BASP1: variants seen among roughly 807,000 people sequenced by gnomAD.
BASP1 encodes the protein brain abundant membrane attached signal protein 1.
In BASP1, 1 loss-of-function variant was observed where a neutral mutation model predicts 2.2. That is an observed-to-expected ratio of 0.46 (90% CI 0.16 to 2.17). The LOEUF is 2.17. BASP1 is among the 30% of genes most tolerant of loss of function. The pLI is 0.27. For synonymous variants in BASP1, 187 were observed against 154.2 expected, an observed-to-expected ratio of 1.21 and a Z score of -1.58; for missense variants, 352 against 327.2, an observed-to-expected ratio of 1.08 and a Z score of -0.58.
intron 1 of BASP1, among the ~76,000 whole-genome samples, chr5:17,222,686 T>C (rs940966533): frequency 6.6e-6 from 1 of 152,230 alleles, no homozygotes; most frequent in Admixed American, 6.5e-5. Flanking sequence ...TGTGTTTTTC[T>C]TCTGCACCCT....
chr5:17,245,615 A>G (rs1263614609), intron 1 of BASP1, among the ~76,000 whole-genome samples: 1 of 152,154 alleles, frequency 6.6e-6, no homozygotes, highest in Non-Finnish European at 1.5e-5. Flanking sequence ...TAGGCCTTTA[A>G]AAATTAGTAG....
At chr5:17,268,755 C>T (rs1740476794) in intron 1 of BASP1, among the ~76,000 whole-genome samples, 1 of 152,194 alleles carries the variant, frequency 6.6e-6, no homozygotes, top group African/African-American at 2.4e-5. Flanking sequence ...TTCATTATAA[C>T]ATCAGATTTC....
chr5:17,275,874 G>T lies in BASP1; in HGVS notation c.658G>T (p.Asp220Tyr). The T allele has an allele frequency of 1.3e-6, 2 of 1,596,316 alleles. No individual in the cohort carries two copies. Among genetic ancestry groups the T allele is most frequent in the South Asian group, 2.2e-5 (2 of 89,116 alleles). Residue 220 changes from aspartate (D) to tyrosine (Y), a missense_variant, in exon 2 of 2, where the codon GAC becomes TAC. Physicochemically the swap from Asp to Tyr is radical, Grantham distance 160. Coordinates refer to ENST00000322611, the MANE Select transcript of BASP1 (RefSeq NM_006317.5). The surrounding 1 kb of genome is among the most constrained non-coding windows in gnomAD (Gnocchi z 5.3). ...KPVEAPAANSDQTVTVKE is the reference protein window; with the variant it reads ...KPVEAPAANSYQTVTVKE The stretch of plus-strand genomic sequence containing the variant: ...GGTGGAGGCCCCGGCAGCTAATTCC[G>T]ACCAAACCGTAACCGTGAAAGAGTG...
intron 1 of BASP1, among the ~76,000 whole-genome samples, chr5:17,224,512 A>T (rs770908223): frequency 2.6e-5 from 4 of 152,150 alleles, no homozygotes; most frequent in Non-Finnish European, 5.9e-5. Context: ...TCACATATTG[A>T]CATCTTCAGT....
chr5:17,273,799 G>A (rs114485139), intron 1 of BASP1, among the ~76,000 whole-genome samples: 2,076 of 152,236 alleles, frequency 0.014, 52 homozygotes, highest in African/African-American at 0.047. Context: ...CTCCCTTGGG[G>A]TCCAGGGCAA....
chr5:17,236,880 G>A lies in BASP1; in HGVS notation c.-10+19070G>A, dbSNP rs142655750. On this transcript the variant is annotated intron_variant, in intron 1 of 1. Transcript: ENST00000322611. The surrounding 1 kb of genome is among the most constrained non-coding windows in gnomAD (Gnocchi z 4.0). ...AGAAAAAAATTCTTAATAGGCAGTC[G>A]ATGTAAATAAAACAAAATTCTGTAT... 3.5e-3 allele frequency among the ~76,000 whole-genome samples: 539 copies of A among 152,228 alleles called. 3 individuals carry two copies. The highest frequency in any genetic ancestry group is 0.012 in the African/African-American group (490 of 41,530).
chr5:17,228,349 A>C (rs1025099700), intron 1 of BASP1, among the ~76,000 whole-genome samples: 1 of 152,220 alleles, frequency 6.6e-6, no homozygotes, highest in African/African-American at 2.4e-5. Flanking sequence ...ATCCAATGGA[A>C]TGGTAACATG....
intron 1 of BASP1, among the ~76,000 whole-genome samples, chr5:17,257,886 CCA>C (rs1740245765): frequency 3.9e-5 from 6 of 152,178 alleles, no homozygotes; most frequent in African/African-American, 1.4e-4. Flanking sequence ...GCTTACAGAG[CCA>C]AACAGCACCG....
At position 17,242,391 on chromosome 5, in the gene BASP1, A is replaced by G. The variant is rs993622611; in HGVS notation, c.-10+24581A>G. ...AGTGGAAGGTACGGAGGTTTCCCAT[A>G]TAAGTCTTGCGCCGCCCCCCACCCC... On this transcript the variant is annotated intron_variant, in intron 1 of 1. Transcript: ENST00000322611. Among the ~76,000 whole-genome samples the G allele has an allele frequency of 3.3e-5, 5 of 152,228 alleles. No homozygotes were observed. In the South Asian group the frequency reaches 8.3e-4, roughly 25 times the overall value.
At chr5:17,242,284 G>C (rs770802082) in intron 1 of BASP1, among the ~76,000 whole-genome samples, 1 of 152,132 alleles carries the variant, frequency 6.6e-6, no homozygotes, top group Non-Finnish European at 1.5e-5. Flanking sequence ...TGATGAGTGC[G>C]GGTGAGAATG....
chr5:17,263,382 G>T (rs1579500232), intron 1 of BASP1, among the ~76,000 whole-genome samples: 2 of 151,904 alleles, frequency 1.3e-5, no homozygotes, highest in African/African-American at 4.8e-5. Context: ...TGATCCTCTT[G>T]CTTCGGCCTC....
At chr5:17,261,475 G>C (rs1740314744) in intron 1 of BASP1, among the ~76,000 whole-genome samples, 1 of 152,216 alleles carries the variant, frequency 6.6e-6, no homozygotes, top group African/African-American at 2.4e-5. Context: ...ATTTCAAAGA[G>C]ACATGATCTA....
intron 1 of BASP1, among the ~76,000 whole-genome samples, chr5:17,274,846 TG>T (rs2126523308): frequency 6.6e-6 from 1 of 152,244 alleles, no homozygotes; most frequent in South Asian, 2.1e-4. Flanking sequence ...AACTTTTAAT[TG>T]TGTAATAACA....
rs761318615 is a variant in BASP1 at position 17,270,573 on chromosome 5, T to TA, written c.-9-4634dup. On this transcript the variant is annotated intron_variant, in intron 1 of 1. Transcript: ENST00000322611. Reference sequence around the variant, plus strand: ...AGCAGGAGCATGCATGGAACACATATACCAAACATCTTTCTGATAACATTA... The same window carrying TA: ...AGCAGGAGCATGCATGGAACACATATAACCAAACATCTTTCTGATAACATTA... Among the ~76,000 whole-genome samples the TA allele has an allele frequency of 2.2e-4, 34 of 152,234 alleles. 1 individual carries two copies. Among genetic ancestry groups the TA allele is most frequent in the Non-Finnish European group, 4.4e-5 (3 of 68,036 alleles).
intron 1 of BASP1, among the ~76,000 whole-genome samples, chr5:17,265,659 C>T (rs1740402991): frequency 2.0e-5 from 3 of 151,330 alleles, no homozygotes; most frequent in Admixed American, 1.3e-4. Flanking sequence ...CAACATTTCT[C>T]CCTTTCTTGC....
intron 1 of BASP1, among the ~76,000 whole-genome samples, chr5:17,249,236 G>A (rs113648042): frequency 6.2e-4 from 95 of 152,174 alleles, no homozygotes; most frequent in Non-Finnish European, 9.3e-4. Context: ...GTCCTGTGTG[G>A]GGTGCAGTAA....
intron 1 of BASP1, among the ~76,000 whole-genome samples, chr5:17,262,605 T>C (rs571485618): frequency 6.6e-6 from 1 of 152,344 alleles, no homozygotes; most frequent in African/African-American, 2.4e-5. Flanking sequence ...TAAGTATTTT[T>C]TATATTTCTA....
chr5:17,245,017 T>C (rs1387874251), intron 1 of BASP1, among the ~76,000 whole-genome samples: 1 of 148,068 alleles, frequency 6.8e-6, no homozygotes, highest in Admixed American at 6.7e-5. Context: ...TAAATATCAG[T>C]GTTGAGCCGG....
intron 1 of BASP1, among the ~76,000 whole-genome samples, chr5:17,256,235 C>G (rs1740207562): frequency 6.6e-6 from 1 of 152,178 alleles, no homozygotes; most frequent in South Asian, 2.1e-4. Context: ...TACTCTAACT[C>G]TTGTGGAATA....
Sources: gnomAD v4.1 joint callset for allele counts (sites outside exome capture counted in the v4.1 genomes callset) on GRCh38, gnomAD v4.1.1 for gene constraint, Gnocchi (gnomAD v3.1) non-coding constraint, MANE v1.5 for transcripts, NCBI Gene and HGNC (gene_info 2026-07-23, HGNC 2026-07-21) for gene names.